DMRT1: variants seen among roughly 807,000 people sequenced by gnomAD.
DMRT1 encodes doublesex- and mab-3-related transcription factor 1.
In DMRT1, 7 loss-of-function variants were observed where a neutral mutation model predicts 32.3. The ratio of observed to expected loss-of-function variants is 0.22; its 90% CI spans 0.12 to 0.41. The LOEUF is 0.41. DMRT1 is among the 10% of genes least tolerant of loss of function. DMRT1 has a pLI of 1.00. For missense variants in DMRT1, 625 were observed against 500.5 expected (o/e 1.25, Z -2.37); for synonymous variants, 278 against 206.1 (o/e 1.35, Z -2.99).
chr9:957,995 C>T (rs752210037), intron 4 of DMRT1, among the ~76,000 whole-genome samples: 4 of 151,812 alleles, frequency 2.6e-5, no homozygotes, highest in Admixed American at 6.6e-5. Context: ...GGGGATAGAG[C>T]GAGACTCTGT....
At chr9:864,499 CTT>C (rs57418212) in intron 2 of DMRT1, among the ~76,000 whole-genome samples, 11 of 108,880 alleles carry the variant, frequency 1.0e-4, no homozygotes, top group South Asian at 3.3e-4. Flanking sequence ...AGCCAGTACT[CTT>C]TTTTTTTTTT....
At chr9:927,220 C>A (rs560029099) in intron 4 of DMRT1, among the ~76,000 whole-genome samples, 1 of 152,228 alleles carries the variant, frequency 6.6e-6, no homozygotes, top group Non-Finnish European at 1.5e-5. Context: ...TTCTTTCGGC[C>A]GGCCGCTGTC....
chr9:861,260 G>T (rs1052244942), intron 2 of DMRT1, among the ~76,000 whole-genome samples: 1 of 151,862 alleles, frequency 6.6e-6, no homozygotes, highest in African/African-American at 2.4e-5. Flanking sequence ...TTAGGGAGTG[G>T]TGATGACTCT....
intron 4 of DMRT1, among the ~76,000 whole-genome samples, chr9:960,416 T>G (rs1819734157): frequency 6.6e-6 from 1 of 152,346 alleles, no homozygotes; most frequent in African/African-American, 2.4e-5. Context: ...ACACTCACAA[T>G]TCTTTCCTGG....
intron 3 of DMRT1, among the ~76,000 whole-genome samples, chr9:913,746 A>C (rs1818069690): frequency 6.6e-6 from 1 of 152,114 alleles, no homozygotes; most frequent in South Asian, 2.1e-4. Flanking sequence ...TACAAAAATT[A>C]GCCGGACGTG....
At chr9:958,430 G>A (rs1819665960) in intron 4 of DMRT1, among the ~76,000 whole-genome samples, 1 of 152,134 alleles carries the variant, frequency 6.6e-6, no homozygotes, top group Non-Finnish European at 1.5e-5. Context: ...GCAATGGCGT[G>A]ATCTCAGCTT....
In DMRT1 at chr9:851,041, A is replaced by AAG. The variant is rs1554741860; in HGVS notation, c.538+3899_538+3900insGA. Among the ~76,000 whole-genome samples, 39 of 51,106 alleles carry AAG rather than the reference A, an allele frequency of 7.6e-4. 3 individuals carry two copies. Among genetic ancestry groups the AAG allele is most frequent in the African/African-American group, 1.7e-3 (34 of 20,090 alleles). The allele number at this position is 51,106 out of a possible 152,430, so 33.5% of individuals were successfully genotyped here. A position where few individuals can be genotyped will look rare whatever the true frequency, so the allele number is the denominator to read the frequency against. ...GAGACTCTATCTCAAAAAAAAAAAA[A>AAG]AAAAGAAAGAAAAATAGACGTGGAA... On this transcript the variant is annotated intron_variant, in intron 2 of 4. Coordinates refer to ENST00000382276, the MANE Select transcript of DMRT1 (RefSeq NM_021951.3).
intron 2 of DMRT1, among the ~76,000 whole-genome samples, chr9:891,318 G>T (rs1817140133): frequency 1.3e-5 from 2 of 152,006 alleles, no homozygotes; most frequent in Non-Finnish European, 2.9e-5. Flanking sequence ...AGGCATGGTG[G>T]CTTGCGCCTG....
At chr9:872,053 G>A (rs1564212664) in intron 2 of DMRT1, among the ~76,000 whole-genome samples, 1 of 151,088 alleles carries the variant, frequency 6.6e-6, no homozygotes, top group Non-Finnish European at 1.5e-5. Flanking sequence ...TAATTTACAT[G>A]CCATAAAACT....
At chr9:885,379 T>C (rs1351685762) in intron 2 of DMRT1, among the ~76,000 whole-genome samples, 1 of 152,088 alleles carries the variant, frequency 6.6e-6, no homozygotes, top group Non-Finnish European at 1.5e-5. Flanking sequence ...AGTGTAAGGT[T>C]TTACTGAGTG....
At chr9:914,403 T>C (rs1400501408) in intron 3 of DMRT1, among the ~76,000 whole-genome samples, 3 of 151,614 alleles carry the variant, frequency 2.0e-5, no homozygotes, top group Non-Finnish European at 2.9e-5. Flanking sequence ...TAAAACCCTG[T>C]CTCTTCTAAA....
At chr9:945,208 C>T (rs1819202678) in intron 4 of DMRT1, among the ~76,000 whole-genome samples, 1 of 152,100 alleles carries the variant, frequency 6.6e-6, no homozygotes, top group Non-Finnish European at 1.5e-5. Flanking sequence ...GGCTGGAGTC[C>T]AATGGCTCAA....
At chr9:843,057 A>G (rs1396473266) in intron 1 of DMRT1, 1 of 152,324 alleles carries the variant, frequency 6.6e-6, no homozygotes, top group South Asian at 2.1e-4. Flanking sequence ...TGGGGTCCCA[A>G]AAATCTCCGA....
At chr9:871,326 G>A (rs1278599245) in intron 2 of DMRT1, among the ~76,000 whole-genome samples, 1 of 148,366 alleles carries the variant, frequency 6.7e-6, no homozygotes, top group Non-Finnish European at 1.5e-5. Flanking sequence ...TAGCCCGGCT[G>A]GTCTTTGAAC....
chr9:867,693 C>T (rs1308224902), intron 2 of DMRT1, among the ~76,000 whole-genome samples: 1 of 152,204 alleles, frequency 6.6e-6, no homozygotes, highest in African/African-American at 2.4e-5. Context: ...TCATGCCCTA[C>T]ATCGGGCTCC....
intron 4 of DMRT1, among the ~76,000 whole-genome samples, chr9:964,773 T>A (rs1290243766): frequency 6.6e-6 from 1 of 151,988 alleles, no homozygotes. Flanking sequence ...TTCCCCAGAG[T>A]GGAATTACCA....
At chr9:900,686 A>T (rs925029031) in intron 3 of DMRT1, among the ~76,000 whole-genome samples, 8 of 144,256 alleles carry the variant, frequency 5.5e-5, no homozygotes, top group Middle Eastern at 3.6e-3. Context: ...AATCTACTTA[A>T]TTTTTTTTTT....
At chr9:942,366 C>T (rs141325074) in intron 4 of DMRT1, among the ~76,000 whole-genome samples, 103 of 152,280 alleles carry the variant, frequency 6.8e-4, no homozygotes, top group African/African-American at 2.2e-3. Flanking sequence ...CCCAACCTCG[C>T]AGGTTTAGTT....
intron 4 of DMRT1, among the ~76,000 whole-genome samples, chr9:947,180 G>A (rs896694165): frequency 6.6e-6 from 1 of 152,218 alleles, no homozygotes; most frequent in Non-Finnish European, 1.5e-5. Context: ...CAGGACTACA[G>A]CCACATGCGG....
Sources: gnomAD v4.1 joint callset for allele counts (sites outside exome capture counted in the v4.1 genomes callset) on GRCh38, gnomAD v4.1.1 for gene constraint, MANE v1.5 for transcripts, NCBI Gene and HGNC (gene_info 2026-07-23, HGNC 2026-07-21) for gene names.